CXCL1: variants seen among roughly 807,000 people sequenced by gnomAD.
CXCL1 encodes the protein C-X-C motif chemokine ligand 1, also known as growth-regulated alpha protein.
In CXCL1, 9 loss-of-function variants were observed where a neutral mutation model predicts 11.7. The observed-to-expected ratio is 0.77, with a 90% CI of 0.46 to 1.34. The LOEUF (loss-of-function observed/expected upper bound fraction) is 1.34, where lower values mean the gene tolerates loss of function less well. Ranked by LOEUF, CXCL1 falls within the 40% of genes most tolerant of loss-of-function variation. The pLI is 0.00. For missense variants in CXCL1, 146 were observed against 138.1 expected, an observed-to-expected ratio of 1.06 and a Z score of -0.29; for synonymous variants, 78 against 59.1, an observed-to-expected ratio of 1.32 and a Z score of -1.47.
chr4:73,869,922 G>A lies in CXCL1; in HGVS notation c.241G>A (p.Gly81Arg). The A allele has an allele frequency of 6.2e-7, 1 of 1,614,146 alleles. No individual in the cohort carries two copies. The highest frequency in any genetic ancestry group is 8.5e-7 in the Non-Finnish European group (1 of 1,180,024). The change falls in exon 3 of 4, where the codon GGG (glycine) becomes AGG (arginine). Residue 81 changes from glycine (G) to arginine (R), a missense_variant. Transcript: ENST00000395761. ...QTEVIATLKN[G>R]RKACLNPASP... The stretch of plus-strand genomic sequence containing the variant: ...CCTCTGCAGAGCCACACTCAAGAAT[G>A]GGCGGAAAGCTTGCCTCAATCCTGC...
In CXCL1 at chr4:73,869,430, T is replaced by C; in HGVS notation, c.-41T>C. On this transcript the variant is annotated 5_prime_UTR_variant, in exon 1 of 4. Transcript: ENST00000395761. ...CCGCAGGCACCTCCTCGCCAGCTCT[T>C]CCGCTCCTCTCACAGCCGCCAGACC... 6.5e-6 allele frequency: 10 copies of C among 1,538,178 alleles called. No homozygotes were observed. Among genetic ancestry groups the C allele is most frequent in the Non-Finnish European group, 7.9e-6 (9 of 1,144,972 alleles).
chr4:73,870,660 C>A lies in CXCL1; in HGVS notation c.*124C>A. ...CTGGATTGTGCCTAATGTGTTTGAG[C>A]ATCGCTTAGGAGAAGTCTTCTATTT... On this transcript the variant is annotated 3_prime_UTR_variant, in exon 4 of 4. Transcript: ENST00000395761. 9.2e-7 allele frequency: 1 copy of A among 1,082,676 alleles called. No homozygotes were observed. The highest frequency in any genetic ancestry group is 1.3e-6 in the Non-Finnish European group (1 of 742,758). 67.1% of individuals were successfully genotyped at this position (1,082,676 alleles called of 1,614,324 possible). A position where few individuals can be genotyped will look rare whatever the true frequency, so the allele number is the denominator to read the frequency against.
Position 73,870,779 on chromosome 4 carries a change from T to C in CXCL1, c.*243T>C. 2 of 411,182 alleles carry C rather than the reference T, an allele frequency of 4.9e-6. No individual in the cohort carries two copies. The highest frequency in any genetic ancestry group is 2.0e-5 in the African/African-American group (1 of 49,006). The allele number at this position is 411,182 out of a possible 1,614,324, so 25.5% of individuals were successfully genotyped here. Reference sequence around the variant, plus strand: ...TTAACTCTACCTGCACACTGTCCTATTATATTCATTCTTTTTGAAATGTCA... The same window carrying C: ...TTAACTCTACCTGCACACTGTCCTACTATATTCATTCTTTTTGAAATGTCA... On this transcript the variant is annotated 3_prime_UTR_variant, in exon 4 of 4. Coordinates refer to ENST00000395761, the MANE Select transcript of CXCL1 (RefSeq NM_001511.4).
intron 1 of CXCL1, 25 bp downstream of exon 1, chr4:73,869,595 C>G (rs1731890020): frequency 4.3e-6 from 7 of 1,612,796 alleles, no homozygotes; most frequent in Non-Finnish European, 5.9e-6. Context: ...CCTGGGGTCC[C>G]CGGGCCGGAC....
Position 73,870,702 on chromosome 4 carries a change from G to C in CXCL1, c.*166G>C, listed in dbSNP as rs548540699. ...CTTCTATTTATTTATTTATTCATTA[G>C]TTTTGAAGATTCTATGTTAATATTT... On this transcript the variant is annotated 3_prime_UTR_variant, in exon 4 of 4. Transcript: ENST00000395761. 17 of 719,946 alleles carry C rather than the reference G, an allele frequency of 2.4e-5. No homozygotes were observed. The highest frequency in any genetic ancestry group is 3.8e-5 in the Non-Finnish European group (17 of 449,080). The allele number at this position is 719,946 out of a possible 1,614,324, so 44.6% of individuals were successfully genotyped here.
chr4:73,870,735 A>C lies in CXCL1; in HGVS notation c.*199A>C. The C allele has an allele frequency of 1.7e-6, 1 of 599,160 alleles. No homozygotes were observed. The highest frequency in any genetic ancestry group is 2.8e-6 in the Non-Finnish European group (1 of 352,502). 37.1% of individuals were successfully genotyped at this position (599,160 alleles called of 1,614,324 possible). On this transcript the variant is annotated 3_prime_UTR_variant, in exon 4 of 4. Transcript: ENST00000395761. The stretch of plus-strand genomic sequence containing the variant: ...GATTCTATGTTAATATTTTAGGTGT[A>C]AAATAATTAAGGGTATGATTAACTC...
In CXCL1 at chr4:73,869,924, GC is replaced by G; in HGVS notation, c.244del (p.Arg82GlyfsTer11). ...TEVIATLKNG[R>X]KACLNPASPI... is the part of the protein sequence containing the mutation. Reference sequence around the variant, plus strand: ...TCTGCAGAGCCACACTCAAGAATGGGCGGAAAGCTTGCCTCAATCCTGCATC... The same window carrying G: ...TCTGCAGAGCCACACTCAAGAATGGGGGAAAGCTTGCCTCAATCCTGCATC... On this transcript the variant is annotated frameshift_variant, in exon 3 of 4. Transcript: ENST00000395761. LOFTEE classifies it high-confidence loss of function. 1 of 1,614,128 alleles carries G rather than the reference GC, an allele frequency of 6.2e-7. No homozygotes were observed. The highest frequency in any genetic ancestry group is 8.5e-7 in the Non-Finnish European group (1 of 1,180,018).
At chr4:73,870,416 C>A in intron 3 of CXCL1, 105 bp from the exon 4 acceptor site, 2 of 1,423,206 alleles carry the variant, frequency 1.4e-6, no homozygotes, top group South Asian at 1.2e-5. Context: ...GCTGGGGAAA[C>A]TGCATTCGGA....
rs200330934 is a variant in CXCL1, at chr4:73,869,650, T to G, written c.101-19T>G. The G allele has an allele frequency of 6.2e-7, 1 of 1,614,080 alleles. No homozygotes were observed. The highest frequency in any genetic ancestry group is 8.5e-7 in the Non-Finnish European group (1 of 1,179,982). Reference sequence around the variant, plus strand: ...AGCGCCGACAGCCTCGCTCAGTCAGTGAGTCTCTTCTTCCCTAGGAGCGTC... The same window carrying G: ...AGCGCCGACAGCCTCGCTCAGTCAGGGAGTCTCTTCTTCCCTAGGAGCGTC... On this transcript the variant is annotated intron_variant, in intron 1 of 3. Transcript: ENST00000395761.
chr4:73,870,007 T>A lies in CXCL1; in HGVS notation c.308+18T>A. ...CTGAACAGGTGAGTTATGGTTTCCATGTACACAGGCGACTGGAGCCGTTGG... is the reference window on the plus strand; with the variant it reads ...CTGAACAGGTGAGTTATGGTTTCCAAGTACACAGGCGACTGGAGCCGTTGG... On this transcript the variant is annotated intron_variant, in intron 3 of 3. Coordinates refer to ENST00000395761, the MANE Select transcript of CXCL1 (RefSeq NM_001511.4). 3 of 1,612,722 alleles carry A rather than the reference T, an allele frequency of 1.9e-6. No homozygotes were observed. Among genetic ancestry groups the A allele is most frequent in the Non-Finnish European group, 2.5e-6 (3 of 1,178,764 alleles).
In CXCL1 at chr4:73,870,612, A is replaced by C. The variant is rs997522964; in HGVS notation, c.*76A>C. The stretch of plus-strand genomic sequence containing the variant: ...CCCTTATAGGAACAGAAGAGGAAAG[A>C]GAGACACAGCTGCAGAGGCCACCTG... On this transcript the variant is annotated 3_prime_UTR_variant, in exon 4 of 4. Coordinates refer to ENST00000395761, the MANE Select transcript of CXCL1 (RefSeq NM_001511.4). 1.3e-6 allele frequency: 2 copies of C among 1,591,888 alleles called. No homozygotes were observed. Among genetic ancestry groups the C allele is most frequent in the Admixed American group, 1.7e-5 (1 of 58,574 alleles).
chr4:73,869,835 A>C (rs199877979), intron 2 of CXCL1, 43 bp downstream of exon 2: 44 of 1,613,484 alleles, frequency 2.7e-5, no homozygotes, highest in Non-Finnish European at 3.5e-5. Flanking sequence ...CCGGGGTCCC[A>C]GACCCTCCTG....
Position 73,869,530 on chromosome 4 carries a change from G to A in CXCL1, c.60G>A (p.Leu20=), listed in dbSNP as rs529847960. 11 of 1,605,054 alleles carry A rather than the reference G, an allele frequency of 6.9e-6. No individual in the cohort carries two copies. The highest frequency in any genetic ancestry group is 6.7e-5 in the African/African-American group (5 of 74,790). ...PSNPRLLRVA[L]LLLLLVAAGR... ...ATCCCCGGCTCCTGCGAGTGGCACTGCTGCTCCTGCTCCTGGTAGCCGCTG... is the reference window on the plus strand; with the variant it reads ...ATCCCCGGCTCCTGCGAGTGGCACTACTGCTCCTGCTCCTGGTAGCCGCTG... The change falls in exon 1 of 4, where the codon CTG becomes CTA. Residue 20 remains leucine, a synonymous_variant. Transcript: ENST00000395761.
At position 73,869,423 on chromosome 4, in the gene CXCL1, C is replaced by T; in HGVS notation, c.-48C>T. 6.5e-7 allele frequency: 1 copy of T among 1,534,606 alleles called. No individual in the cohort carries two copies. On this transcript the variant is annotated 5_prime_UTR_variant, in exon 1 of 4. Coordinates refer to ENST00000395761, the MANE Select transcript of CXCL1 (RefSeq NM_001511.4). ...GCCCGGGCCGCAGGCACCTCCTCGC[C>T]AGCTCTTCCGCTCCTCTCACAGCCG...
intron 3 of CXCL1, 50 bp downstream of exon 3, chr4:73,870,039 A>G: frequency 6.4e-7 from 1 of 1,563,108 alleles, no homozygotes; most frequent in Non-Finnish European, 8.8e-7. Context: ...TTGGTCAGAA[A>G]TACTGGCATG....
rs780753502 is a variant in CXCL1, at chr4:73,869,583, G to T, written c.100+13G>T. 10 of 1,612,232 alleles carry T rather than the reference G, an allele frequency of 6.2e-6. No homozygotes were observed. The highest frequency in any genetic ancestry group is 1.7e-5 in the Admixed American group (1 of 59,908). ...CGGCGCGCAGCAGGTGGGTACCGGCGCCCTGGGGTCCCCGGGCCGGACGCG... is the reference window on the plus strand; with the variant it reads ...CGGCGCGCAGCAGGTGGGTACCGGCTCCCTGGGGTCCCCGGGCCGGACGCG... On this transcript the variant is annotated intron_variant, in intron 1 of 3. Transcript: ENST00000395761.
chr4:73,870,238 A>G (rs906131190), intron 3 of CXCL1: 4 of 621,672 alleles, frequency 6.4e-6, no homozygotes, highest in Non-Finnish European at 1.1e-5. Context: ...AACTGCCTTC[A>G]TTTGAGGCCC....
chr4:73,869,685 T>G lies in CXCL1; in HGVS notation c.117T>G (p.Thr39=). ...GRRAAGASVA[T]ELRCQCLQTL... ...CTTCCCTAGGAGCGTCCGTGGCCAC[T>G]GAACTGCGCTGCCAGTGCTTGCAGA... The change falls in exon 2 of 4, where the codon ACT becomes ACG. Residue 39 remains threonine (T), a synonymous_variant. Coordinates refer to ENST00000395761, the MANE Select transcript of CXCL1 (RefSeq NM_001511.4). 3 of 1,614,196 alleles carry G rather than the reference T, an allele frequency of 1.9e-6. No individual in the cohort carries two copies. Among genetic ancestry groups the G allele is most frequent in the Non-Finnish European group, 2.5e-6 (3 of 1,180,024 alleles).
At position 73,870,703 on chromosome 4, in the gene CXCL1, T is replaced by C. The variant is rs1719602675; in HGVS notation, c.*167T>C. 1.4e-6 allele frequency: 1 copy of C among 716,330 alleles called. No individual in the cohort carries two copies. The highest frequency in any genetic ancestry group is 2.2e-6 in the Non-Finnish European group (1 of 445,536). 44.4% of individuals were successfully genotyped at this position (716,330 alleles called of 1,614,324 possible). A position where few individuals can be genotyped will look rare whatever the true frequency, so the allele number is the denominator to read the frequency against. ...TTCTATTTATTTATTTATTCATTAG[T>C]TTTGAAGATTCTATGTTAATATTTT... On this transcript the variant is annotated 3_prime_UTR_variant, in exon 4 of 4. Transcript: ENST00000395761.
Sources: allele counts gnomAD v4.1 joint callset, GRCh38; gene constraint gnomAD v4.1.1; transcripts MANE v1.5; gene names NCBI Gene and HGNC (gene_info 2026-07-23, HGNC 2026-07-21).